Variants in ZNF518A observed in about 807,000 individuals in gnomAD.
ZNF518A encodes zinc finger protein 518A, also known as zinc finger protein 518.
In ZNF518A, 47 loss-of-function variants were observed where a neutral mutation model predicts 102.7. That is an observed-to-expected ratio of 0.46 (90% CI 0.36 to 0.58). ZNF518A has a LOEUF of 0.58. Among genes scored for constraint, ZNF518A ranks in the 20% least tolerant of loss-of-function variants. The probability of loss-of-function intolerance (pLI) is 0.00; values close to 1 mark genes in which losing one functional copy is unlikely to be tolerated. For missense variants in ZNF518A, 1,793 were observed against 1,699.8 expected (o/e 1.05, Z -0.96); for synonymous variants, 652 against 594.6 (o/e 1.10, Z -1.40).
At chr10:96,175,913 T>C (rs1554891415) in intron 1 of ZNF518A, among the ~76,000 whole-genome samples, 4 of 135,638 alleles carry the variant, frequency 2.9e-5, no homozygotes, top group East Asian at 3.0e-4. Context: ...CTTCCTTCCT[T>C]CCTTCCTTCC....
chr10:96,142,308 GTGTGTGTGTGTGTGTGTGTGTGTGT>G, intron 3 of ZNF518A, among the ~76,000 whole-genome samples: 1 of 94,256 alleles, frequency 1.1e-5, no homozygotes, highest in Non-Finnish European at 2.1e-5. Context: ...TTCTTAGGGT[GTGTGTGTGTGTGTGTGTGTGTGTGT>G]GTGTGTGTGT....
In ZNF518A at chr10:96,163,319, T is replaced by A. The variant is rs1554889053; in HGVS notation, c.*2545T>A. On this transcript the variant is annotated 3_prime_UTR_variant, in exon 6 of 6. Coordinates refer to ENST00000316045, the MANE Select transcript of ZNF518A (RefSeq NM_001330736.2). ...AAAACAAAAGCCTGTATCCTTTATT[T>A]TTTGTGTGTGGCTTTCCAAAGAGGG... 1 of 166,704 alleles carries A rather than the reference T, an allele frequency of 6.0e-6. No individual in the cohort carries two copies. Among genetic ancestry groups the A allele is most frequent in the African/African-American group, 2.4e-5 (1 of 41,442 alleles). The allele number at this position is 166,704 out of a possible 1,614,324, so 10.3% of individuals were successfully genotyped here.
At position 96,190,316 on chromosome 10, in the gene ZNF518A, G is replaced by GTAT. The variant is rs1296806453; in HGVS notation, n.36-13256_36-13254dup. ...CATACAGGATGGAATCACGCCAGTA[G>GTAT]TATTGTTCCTGTGTGTCTCTTCATA... On this transcript the variant is annotated intron_variant and non_coding_transcript_variant, in intron 1 of 2. Transcript: ENST00000442635. 6.7e-6 allele frequency: 4 copies of GTAT among 598,678 alleles called. No homozygotes were observed. The African/African-American group carries it at 7.3e-5, about 11-fold the overall frequency. 37.1% of individuals were successfully genotyped at this position (598,678 alleles called of 1,614,324 possible).
intron 3 of ZNF518A, among the ~76,000 whole-genome samples, chr10:96,138,130 A>T (rs587668508): frequency 6.6e-6 from 1 of 152,166 alleles, no homozygotes; most frequent in South Asian, 2.1e-4. Context: ...ATCAACTCTT[A>T]CTTGGATAAT....
intron 3 of ZNF518A, among the ~76,000 whole-genome samples, chr10:96,136,636 A>G (rs1462993747): frequency 1.3e-5 from 2 of 151,868 alleles, no homozygotes; most frequent in African/African-American, 4.8e-5. Flanking sequence ...CCAGGGCAAC[A>G]TAGTGAGACC....
chr10:96,204,366 G>A (rs1296349769), downstream of ZNF518A: 1 of 834,628 alleles, frequency 1.2e-6, no homozygotes, highest in African/African-American at 1.7e-5. Context: ...ACTCTACACA[G>A]TTATTTTAAA....
At chr10:96,144,921 C>T (rs1226107592) in intron 3 of ZNF518A, among the ~76,000 whole-genome samples, 6 of 152,030 alleles carry the variant, frequency 3.9e-5, no homozygotes, top group African/African-American at 1.2e-4. Context: ...AGTTGCTATT[C>T]ATTTCTTTGT....
chr10:96,196,846 T>C, intron 1 of ZNF518A: 1 of 1,502,452 alleles, frequency 6.7e-7, no homozygotes. Flanking sequence ...TCTAATACAG[T>C]ATTTGATGTC....
intron 1 of ZNF518A, among the ~76,000 whole-genome samples, chr10:96,178,528 C>T (rs2083219084): frequency 6.6e-6 from 1 of 151,980 alleles, no homozygotes; most frequent in African/African-American, 2.4e-5. Flanking sequence ...ATTATGTAAG[C>T]TTCCATCTTA....
chr10:96,154,555 C>A (rs1428548682), intron 3 of ZNF518A, among the ~76,000 whole-genome samples: 4 of 151,940 alleles, frequency 2.6e-5, no homozygotes, highest in Admixed American at 2.0e-4. Context: ...GTTCATTCTC[C>A]TAGAAAGACA....
intron 1 of ZNF518A, among the ~76,000 whole-genome samples, chr10:96,174,444 TC>T (rs1213015182): frequency 1.3e-5 from 2 of 151,976 alleles, no homozygotes; most frequent in African/African-American, 4.8e-5. Flanking sequence ...AAAATAAGAC[TC>T]AAATTACTAA....
intron 1 of ZNF518A, among the ~76,000 whole-genome samples, chr10:96,194,996 C>T (rs587641936): frequency 1.8e-4 from 27 of 151,908 alleles, no homozygotes; most frequent in Non-Finnish European, 3.1e-4. Context: ...GTCTCGATCT[C>T]CTGACCTCGT....
In ZNF518A at chr10:96,160,092, A is replaced by G; in HGVS notation, c.3770A>G (p.Lys1257Arg). 1 of 1,608,280 alleles carries G rather than the reference A, an allele frequency of 6.2e-7. No homozygotes were observed. The highest frequency in any genetic ancestry group is 8.5e-7 in the Non-Finnish European group (1 of 1,178,538). Residue 1257 changes from lysine to arginine, a missense_variant, in exon 6 of 6, where the codon AAA becomes AGA. Lys to Arg is a conservative substitution (Grantham distance 26, BLOSUM62 2). Transcript: ENST00000316045. ...AAGACTTCCAAAAAAATTTTTTCAA[A>G]AACAAAAACTCATGGAAGTAAAGAC... ...RKKTSKKIFS[K>R]TKTHGSKDSE...
chr10:96,186,822 G>A (rs368986107), intron 1 of ZNF518A, among the ~76,000 whole-genome samples: 65 of 152,288 alleles, frequency 4.3e-4, no homozygotes, highest in Admixed American at 1.4e-3. Context: ...AATAACTTGC[G>A]CTAAACCATA....
downstream of ZNF518A, among the ~76,000 whole-genome samples, chr10:96,165,625 CTAACAGAGCTGCT>C (rs2083132569): frequency 6.6e-6 from 1 of 152,146 alleles, no homozygotes; most frequent in Non-Finnish European, 1.5e-5. Context: ...CCCTCTTCCT[CTAACAGAGCTGCT>C]TTACAGGGAG....
At chr10:96,179,947 C>T (rs61859666) in intron 1 of ZNF518A, among the ~76,000 whole-genome samples, 7,553 of 149,408 alleles carry the variant, frequency 0.051, 266 homozygotes, top group Middle Eastern at 0.079. Flanking sequence ...GGCACAACCT[C>T]GGCTCACTGC....
chr10:96,194,973 G>T (rs990106427), intron 1 of ZNF518A, among the ~76,000 whole-genome samples: 1 of 151,536 alleles, frequency 6.6e-6, no homozygotes, highest in African/African-American at 2.4e-5. Context: ...GTTTCACCGT[G>T]TTAGCCAGGA....
At chr10:96,199,471 C>T (rs781853891) in intron 1 of ZNF518A, 1 of 460,070 alleles carries the variant, frequency 2.2e-6, no homozygotes, top group South Asian at 1.5e-5. Flanking sequence ...CCAAGCCTTC[C>T]ATAGACCTCC....
intron 1 of ZNF518A, among the ~76,000 whole-genome samples, chr10:96,174,806 A>G (rs1158381823): frequency 6.6e-6 from 1 of 152,120 alleles, no homozygotes; most frequent in East Asian, 1.9e-4. Flanking sequence ...TAGGTGTTAT[A>G]TATTGAATGT....
Sources: gnomAD v4.1 joint callset for allele counts (sites outside exome capture counted in the v4.1 genomes callset) on GRCh38, gnomAD v4.1.1 for gene constraint, MANE v1.5 for transcripts, NCBI Gene and HGNC (gene_info 2026-07-23, HGNC 2026-07-21) for gene names.